ARL14EP: variants seen among roughly 807,000 people sequenced by gnomAD.
ARL14EP encodes ARF like GTPase 14 effector protein, also known as ARL14 effector protein.
A neutral mutation model predicts 23.1 loss-of-function variants in ARL14EP; 12 were observed. The observed-to-expected ratio is 0.52, with a 90% CI of 0.33 to 0.84. The LOEUF is 0.84. Among genes scored for constraint, ARL14EP ranks in the 40% least tolerant of loss-of-function variants. The pLI is 0.02. For missense variants in ARL14EP, 253 were observed against 307.3 expected, an observed-to-expected ratio of 0.82 and a Z score of 1.32; for synonymous variants, 97 against 102.0, an observed-to-expected ratio of 0.95 and a Z score of 0.29.
intron 1 of ARL14EP, chr11:30,329,923 A>G (rs1177640431): frequency 6.6e-6 from 1 of 151,556 alleles, no homozygotes; most frequent in East Asian, 1.9e-4. Flanking sequence ...TTATTTATTT[A>G]TTTTTTTGGT....
At chr11:30,326,999 C>A (rs532205067) in intron 1 of ARL14EP, among the ~76,000 whole-genome samples, 1 of 152,312 alleles carries the variant, frequency 6.6e-6, no homozygotes, top group Admixed American at 6.5e-5. Context: ...AAATTCAAAT[C>A]TAACAGGGCA....
intron 2 of ARL14EP, chr11:30,331,612 T>A: frequency 7.3e-7 from 1 of 1,366,496 alleles, no homozygotes; most frequent in Non-Finnish European, 9.4e-7. Flanking sequence ...GACTCCAAGC[T>A]ACAACTTTTA....
intron 3 of ARL14EP, among the ~76,000 whole-genome samples, chr11:30,334,659 T>C (rs1226734465): frequency 2.0e-5 from 3 of 152,206 alleles, no homozygotes; most frequent in African/African-American, 7.2e-5. Context: ...AAGCCAATTA[T>C]TTACCTCTTC....
At chr11:30,329,798 G>A (rs2133647780) in intron 1 of ARL14EP, 1 of 152,002 alleles carries the variant, frequency 6.6e-6, no homozygotes, top group South Asian at 2.1e-4. Flanking sequence ...TGGAAGTGAG[G>A]AGTTACTCGA....
rs1947344640 is a variant in ARL14EP, at chr11:30,337,651, A to G, written c.*856A>G. 1 of 151,928 alleles carries G rather than the reference A, an allele frequency of 6.6e-6. No homozygotes were observed. Among genetic ancestry groups the G allele is most frequent in the Non-Finnish European group, 1.5e-5 (1 of 67,978 alleles). The allele number at this position is 151,928 out of a possible 1,614,324, so 9.4% of individuals were successfully genotyped here. The stretch of plus-strand genomic sequence containing the variant: ...GTGATGGTTAAAAAAAAAAAACTTT[A>G]CATTAAAAGATATTTAATGTGAATA... On this transcript the variant is annotated 3_prime_UTR_variant, in exon 4 of 4. Transcript: ENST00000282032.
chr11:30,331,814 ATTGT>A, intron 2 of ARL14EP: 1 of 989,734 alleles, frequency 1.0e-6, no homozygotes, highest in Non-Finnish European at 1.2e-6. Context: ...ACTTACAGTA[ATTGT>A]TTTTTATTTC....
intron 1 of ARL14EP, among the ~76,000 whole-genome samples, chr11:30,324,378 A>G (rs1947220574): frequency 6.6e-6 from 1 of 152,124 alleles, no homozygotes; most frequent in Non-Finnish European, 1.5e-5. Flanking sequence ...TTTTCCCACT[A>G]ATAAGGAGAC....
At chr11:30,326,905 A>T (rs1947239390) in intron 1 of ARL14EP, among the ~76,000 whole-genome samples, 1 of 152,208 alleles carries the variant, frequency 6.6e-6, no homozygotes, top group Non-Finnish European at 1.5e-5. Context: ...TTTAGTTTTT[A>T]TCACAGTTGG....
In ARL14EP at chr11:30,337,649, T is replaced by G. The variant is rs1048979504; in HGVS notation, c.*854T>G. ...AAGTGATGGTTAAAAAAAAAAAACT[T>G]TACATTAAAAGATATTTAATGTGAA... On this transcript the variant is annotated 3_prime_UTR_variant, in exon 4 of 4. Transcript: ENST00000282032. 1.3e-5 allele frequency: 2 copies of G among 152,018 alleles called. No individual in the cohort carries two copies. The highest frequency in any genetic ancestry group is 1.3e-4 in the Admixed American group (2 of 15,250). 9.4% of individuals were successfully genotyped at this position (152,018 alleles called of 1,614,324 possible).
intron 1 of ARL14EP, 113 bp from the exon 2 acceptor site, chr11:30,330,773 C>A (rs982764932): frequency 3.2e-6 from 2 of 629,928 alleles, no homozygotes; most frequent in Non-Finnish European, 5.5e-6. Context: ...TCGATAAATA[C>A]CTTTTTTATT....
chr11:30,336,437 T>C lies in ARL14EP; in HGVS notation c.555-130T>C, dbSNP rs1947332469. On this transcript the variant is annotated intron_variant, in intron 3 of 3. Coordinates refer to ENST00000282032, the MANE Select transcript of ARL14EP (RefSeq NM_152316.3). ...ACGATAGAATAAGCCTTGAGCCTGA[T>C]AAATTATAGATGATTTTGGCATGAC... 7.4e-6 allele frequency: 6 copies of C among 815,582 alleles called. No homozygotes were observed. The South Asian group carries it at 9.1e-5, about 12-fold the overall frequency. 50.5% of individuals were successfully genotyped at this position (815,582 alleles called of 1,614,324 possible).
intron 3 of ARL14EP, among the ~76,000 whole-genome samples, chr11:30,333,422 A>G (rs1947301829): frequency 6.6e-6 from 1 of 151,934 alleles, no homozygotes; most frequent in African/African-American, 2.4e-5. Flanking sequence ...AACAGCATGT[A>G]CTCCCTATCT....
intron 3 of ARL14EP, among the ~76,000 whole-genome samples, chr11:30,334,259 A>G (rs2133653456): frequency 8.7e-6 from 1 of 115,192 alleles, no homozygotes; most frequent in South Asian, 3.2e-4. Flanking sequence ...TCTGTCACCC[A>G]GCCTGAGGTG....
At chr11:30,335,488 A>G (rs1273444325) in intron 3 of ARL14EP, among the ~76,000 whole-genome samples, 1 of 152,168 alleles carries the variant, frequency 6.6e-6, no homozygotes, top group Non-Finnish European at 1.5e-5. Context: ...CCACTGATGC[A>G]GCAAACTTCA....
At chr11:30,335,417 T>C (rs1445447792) in intron 3 of ARL14EP, among the ~76,000 whole-genome samples, 1 of 152,204 alleles carries the variant, frequency 6.6e-6, no homozygotes, top group African/African-American at 2.4e-5. Context: ...AACATTCTAC[T>C]GTAGGTAAAA....
At position 30,330,944 on chromosome 11, in the gene ARL14EP, C is replaced by A; in HGVS notation, c.-5C>A. 2 of 1,613,316 alleles carry A rather than the reference C, an allele frequency of 1.2e-6. No homozygotes were observed. The highest frequency in any genetic ancestry group is 2.2e-5 in the South Asian group (2 of 91,026). ...AATAAAACGGAAAATTTGCTAGAAT[C>A]AAGAATGATGGATCCATGTTCAGTT... On this transcript the variant is annotated 5_prime_UTR_variant, in exon 2 of 4. Transcript: ENST00000282032.
At chr11:30,335,776 ATGTGTGTG>A (rs10601449) in intron 3 of ARL14EP, among the ~76,000 whole-genome samples, 6 of 147,104 alleles carry the variant, frequency 4.1e-5, no homozygotes, top group South Asian at 2.2e-4. Context: ...ATATATATAT[ATGTGTGTG>A]TGTGTGTGTG....
rs201892439 is a variant in ARL14EP, at chr11:30,335,762, AT to A, written c.555-804del. Among the ~76,000 whole-genome samples the A allele has an allele frequency of 4.2e-3, 464 of 111,486 alleles. 5 individuals carry two copies. The highest frequency in any genetic ancestry group is 0.037 in the Middle Eastern group (8 of 216). 73.1% of individuals were successfully genotyped at this position (111,486 alleles called of 152,430 possible). A position where few individuals can be genotyped will look rare whatever the true frequency, so the allele number is the denominator to read the frequency against. ...TTATATGCACTGGAAAAGCAAAAAAATATATATATATATATGTGTGTGTGTG... is the reference window on the plus strand; with the variant it reads ...TTATATGCACTGGAAAAGCAAAAAAAATATATATATATATGTGTGTGTGTG... On this transcript the variant is annotated intron_variant, in intron 3 of 3. Coordinates refer to ENST00000282032, the MANE Select transcript of ARL14EP (RefSeq NM_152316.3).
intron 1 of ARL14EP, chr11:30,328,857 C>T (rs1055307328): frequency 1.3e-5 from 2 of 151,860 alleles, no homozygotes; most frequent in African/African-American, 4.8e-5. Flanking sequence ...CTTCACAGTC[C>T]CTCCCTACCA....
Sources: allele counts gnomAD v4.1 joint callset (sites outside exome capture counted in the v4.1 genomes callset), GRCh38; gene constraint gnomAD v4.1.1; transcripts MANE v1.5; gene names NCBI Gene and HGNC (gene_info 2026-07-23, HGNC 2026-07-21).